CSMD1: variants seen among roughly 807,000 people sequenced by gnomAD.
CSMD1 encodes CUB and Sushi multiple domains 1, also known as CUB and sushi domain-containing protein 1.
CSMD1 carries 213 observed loss-of-function variants against 417.5 expected under a neutral mutation model. The observed-to-expected ratio is 0.51, with a 90% CI of 0.46 to 0.57. The LOEUF (loss-of-function observed/expected upper bound fraction) is 0.57. Ranked by LOEUF, CSMD1 falls within the 20% of genes least tolerant of loss-of-function variation. The pLI is 0.00. For missense variants in CSMD1, 6,923 were observed against 4,529.7 expected (o/e 1.53, Z -15.17); for synonymous variants, 2,862 against 1,736.8 (o/e 1.65, Z -16.11).
chr8:4,031,771 G>A (rs182001617), intron 4 of CSMD1, 134 bp downstream of exon 4: 534 of 583,718 alleles, frequency 9.1e-4, no homozygotes, highest in Admixed American at 9.5e-4. Flanking sequence ...GCTTTCAGGA[G>A]CAGAATGAGC....
chr8:4,804,744 C>T (rs564095750), intron 1 of CSMD1, among the ~76,000 whole-genome samples: 7 of 152,102 alleles, frequency 4.6e-5, no homozygotes, highest in African/African-American at 1.7e-4. Flanking sequence ...GCCTGCAAGC[C>T]TTCAAGAAAA....
At chr8:4,388,795 C>G (rs1401950434) in intron 3 of CSMD1, among the ~76,000 whole-genome samples, 1 of 152,140 alleles carries the variant, frequency 6.6e-6, no homozygotes, top group Non-Finnish European at 1.5e-5. Context: ...CTTGATCCTC[C>G]CAGTACCTCT....
intron 3 of CSMD1, among the ~76,000 whole-genome samples, chr8:4,203,218 G>A (rs150539102): frequency 1.3e-5 from 2 of 152,158 alleles, no homozygotes; most frequent in East Asian, 1.9e-4. Flanking sequence ...TTTGAAGATG[G>A]AGAAAGAAGG....
chr8:3,628,165 G>T (rs1796588060), intron 7 of CSMD1, among the ~76,000 whole-genome samples: 1 of 152,058 alleles, frequency 6.6e-6, no homozygotes, highest in African/African-American at 2.4e-5. Flanking sequence ...CCCCCCTTTG[G>T]TTACTGAATC....
At chr8:4,367,621 A>G (rs757020608) in intron 3 of CSMD1, among the ~76,000 whole-genome samples, 17 of 152,126 alleles carry the variant, frequency 1.1e-4, no homozygotes, top group Non-Finnish European at 2.1e-4. Flanking sequence ...GTACTTTGAT[A>G]TTAATATTGA....
chr8:3,013,418 T>C (rs1215116573), intron 52 of CSMD1, among the ~76,000 whole-genome samples: 1 of 152,210 alleles, frequency 6.6e-6, no homozygotes, highest in Non-Finnish European at 1.5e-5. Flanking sequence ...AAAATAGTTA[T>C]GAATGACTAC....
At chr8:3,882,001 T>C (rs928835269) in intron 5 of CSMD1, among the ~76,000 whole-genome samples, 21 of 152,148 alleles carry the variant, frequency 1.4e-4, no homozygotes, top group African/African-American at 4.1e-4. Flanking sequence ...CGAGAGAATA[T>C]TCTACGATGT....
chr8:4,698,146 T>C (rs1258674197), intron 1 of CSMD1, among the ~76,000 whole-genome samples: 2 of 152,052 alleles, frequency 1.3e-5, no homozygotes, highest in Non-Finnish European at 1.5e-5. Flanking sequence ...TTTTTTTTTT[T>C]TTTTTGGAAT....
chr8:3,670,605 CATATATATGGGG>C (rs1351620695), intron 7 of CSMD1, among the ~76,000 whole-genome samples: 2 of 128,948 alleles, frequency 1.6e-5, no homozygotes, highest in Non-Finnish European at 3.3e-5. Flanking sequence ...ATATATTGCA[CATATATATGGGG>C]ATATATATAT....
At chr8:3,885,128 C>T (rs1458567074) in intron 5 of CSMD1, among the ~76,000 whole-genome samples, 1 of 151,918 alleles carries the variant, frequency 6.6e-6, no homozygotes, top group African/African-American at 2.4e-5. Flanking sequence ...AAACTGTGTA[C>T]CTCATTAACA....
At chr8:4,315,269 G>T (rs1267155574) in intron 3 of CSMD1, among the ~76,000 whole-genome samples, 1 of 152,118 alleles carries the variant, frequency 6.6e-6, no homozygotes, top group Non-Finnish European at 1.5e-5. Flanking sequence ...TAGGGTTTAT[G>T]AAAACTGAGA....
At chr8:3,711,803 A>G (rs1022435608) in intron 6 of CSMD1, among the ~76,000 whole-genome samples, 2 of 152,184 alleles carry the variant, frequency 1.3e-5, no homozygotes, top group Non-Finnish European at 2.9e-5. Context: ...AGGAGAGAGG[A>G]GATGAATGCA....
At chr8:4,361,683 G>T (rs1254178535) in intron 3 of CSMD1, among the ~76,000 whole-genome samples, 2 of 151,946 alleles carry the variant, frequency 1.3e-5, no homozygotes, top group African/African-American at 2.4e-5. Flanking sequence ...AGGTGCGACG[G>T]CTTGGCTCAC....
At chr8:4,646,862 A>G (rs1465853689) in intron 1 of CSMD1, among the ~76,000 whole-genome samples, 2 of 152,220 alleles carry the variant, frequency 1.3e-5, no homozygotes, top group East Asian at 3.9e-4. Flanking sequence ...AAAATTATAC[A>G]GATATGGAGA....
At chr8:4,106,511 T>G (rs967318232) in intron 3 of CSMD1, among the ~76,000 whole-genome samples, 2 of 152,150 alleles carry the variant, frequency 1.3e-5, no homozygotes, top group African/African-American at 2.4e-5. Context: ...AGAAACAGAA[T>G]GAGAGCCTCC....
intron 3 of CSMD1, among the ~76,000 whole-genome samples, chr8:4,072,934 A>T (rs1217775995): frequency 6.6e-6 from 1 of 152,204 alleles, no homozygotes; most frequent in African/African-American, 2.4e-5. Context: ...CACTTAGAAC[A>T]TTCTTTCAAA....
chr8:4,250,331 G>C (rs1245991931), intron 3 of CSMD1, among the ~76,000 whole-genome samples: 1 of 152,150 alleles, frequency 6.6e-6, no homozygotes, highest in African/African-American at 2.4e-5. Context: ...AGCTGTGCAA[G>C]CTATGAAGAC....
intron 3 of CSMD1, among the ~76,000 whole-genome samples, chr8:4,290,035 G>T (rs574610421): frequency 6.6e-6 from 1 of 152,144 alleles, no homozygotes; most frequent in Non-Finnish European, 1.5e-5. Flanking sequence ...CAACTGTTAA[G>T]GTTTAACCAG....
At chr8:4,967,353 G>A (rs1036929799) in intron 1 of CSMD1, among the ~76,000 whole-genome samples, 7 of 151,856 alleles carry the variant, frequency 4.6e-5, no homozygotes, top group African/African-American at 1.7e-4. Context: ...GTCTTCTGAA[G>A]AAAAAAACAA....
Sources: allele counts gnomAD v4.1 joint callset (sites outside exome capture counted in the v4.1 genomes callset), GRCh38; gene constraint gnomAD v4.1.1; transcripts MANE v1.5; gene names NCBI Gene and HGNC (gene_info 2026-07-23, HGNC 2026-07-21).